Variants in EPHA3 observed in about 807,000 individuals in gnomAD.
EPHA3 encodes EPH receptor A3.
In EPHA3, 42 loss-of-function variants were observed where a neutral mutation model predicts 107.1. The observed-to-expected ratio is 0.39, with a 90% CI of 0.31 to 0.51. The LOEUF (loss-of-function observed/expected upper bound fraction) is 0.51. Ranked by LOEUF, EPHA3 falls within the 20% of genes least tolerant of loss-of-function variation. The pLI, the probability that EPHA3 is intolerant of heterozygous loss-of-function variation, is 0.78. For missense variants in EPHA3, 1,183 were observed against 1,211.2 expected (o/e 0.98, Z 0.35); for synonymous variants, 461 against 424.8 (o/e 1.09, Z -1.05).
chr3:89,163,181 A>G (rs1320902483), intron 2 of EPHA3, among the ~76,000 whole-genome samples: 1 of 152,172 alleles, frequency 6.6e-6, no homozygotes, highest in Non-Finnish European at 1.5e-5. Flanking sequence ...TTCTTCTTCT[A>G]TAATATAGGG....
intron 3 of EPHA3, among the ~76,000 whole-genome samples, chr3:89,266,061 G>A (rs1446031925): frequency 6.6e-6 from 1 of 152,082 alleles, no homozygotes; most frequent in East Asian, 1.9e-4. Context: ...GCTTAGCTCT[G>A]AGCTCTGTCT....
chr3:89,269,339 T>A (rs549885679), intron 3 of EPHA3, among the ~76,000 whole-genome samples: 116 of 152,262 alleles, frequency 7.6e-4, no homozygotes, highest in African/African-American at 2.7e-3. Flanking sequence ...CCAATAGCAT[T>A]GATATCATCT....
intron 2 of EPHA3, among the ~76,000 whole-genome samples, chr3:89,148,271 A>G (rs976946674): frequency 1.3e-5 from 2 of 152,006 alleles, no homozygotes; most frequent in African/African-American, 2.4e-5. Context: ...ATTACTGAGA[A>G]TAAGAGTCTA....
At chr3:89,213,819 A>G (rs1364419499) in intron 3 of EPHA3, among the ~76,000 whole-genome samples, 4 of 152,044 alleles carry the variant, frequency 2.6e-5, no homozygotes, top group South Asian at 2.1e-4. Flanking sequence ...AGACTACCCT[A>G]TAATTATCGA....
chr3:89,243,641 G>A (rs2107249636), intron 3 of EPHA3, among the ~76,000 whole-genome samples: 1 of 152,212 alleles, frequency 6.6e-6, no homozygotes, highest in East Asian at 1.9e-4. Context: ...GTTCATTGTA[G>A]CCCTTTGTCA....
intron 2 of EPHA3, among the ~76,000 whole-genome samples, chr3:89,127,677 G>T (rs1704121859): frequency 6.6e-6 from 1 of 151,866 alleles, no homozygotes; most frequent in African/African-American, 2.4e-5. Flanking sequence ...CTCAGTAACT[G>T]CTCTTCCAAG....
chr3:89,156,257 A>C (rs1191123662), intron 2 of EPHA3, among the ~76,000 whole-genome samples: 1 of 152,038 alleles, frequency 6.6e-6, no homozygotes, highest in Non-Finnish European at 1.5e-5. Flanking sequence ...TTTTGTGTGA[A>C]AGCACTTCCT....
chr3:89,337,884 T>G (rs1234050567), intron 3 of EPHA3, among the ~76,000 whole-genome samples: 6 of 152,280 alleles, frequency 3.9e-5, no homozygotes, highest in Admixed American at 1.3e-4. Flanking sequence ...TTATAAGAAA[T>G]CTTGAGATTG....
chr3:89,427,429 T>C (rs1419149461), intron 11 of EPHA3, among the ~76,000 whole-genome samples: 1 of 151,824 alleles, frequency 6.6e-6, no homozygotes, highest in Non-Finnish European at 1.5e-5. Context: ...ATAAGACACA[T>C]AGGAGGAAAA....
At chr3:89,471,336 A>T (rs907730524) in intron 15 of EPHA3, among the ~76,000 whole-genome samples, 3 of 152,070 alleles carry the variant, frequency 2.0e-5, no homozygotes, top group African/African-American at 7.2e-5. Flanking sequence ...GCCTGTATTT[A>T]TATAAAAAAA....
chr3:89,212,157 CTAATA>C (rs1418735023), intron 3 of EPHA3, among the ~76,000 whole-genome samples: 1 of 151,804 alleles, frequency 6.6e-6, no homozygotes, highest in Non-Finnish European at 1.5e-5. Flanking sequence ...AGGAATTTAT[CTAATA>C]TATTTTAAAA....
chr3:89,127,320 T>G (rs1379521737), intron 2 of EPHA3, 47 bp downstream of exon 2: 2 of 1,411,240 alleles, frequency 1.4e-6, no homozygotes, highest in Non-Finnish European at 2.0e-6. Context: ...CTATTACCTG[T>G]CTTAGGGAGC....
At chr3:89,351,289 T>C (rs1463440700) in intron 5 of EPHA3, among the ~76,000 whole-genome samples, 1 of 151,320 alleles carries the variant, frequency 6.6e-6, no homozygotes, top group Non-Finnish European at 1.5e-5. Context: ...CGTAGGACCC[T>C]CTGAGCCAGG....
chr3:89,472,531 CTTAA>C lies in EPHA3; in HGVS notation c.2760_2763del (p.Asn921ValfsTer22). ...TACCTTCCGCACAACAGGTGACTGG[CTTAA>C]TGGTGTCTGGACAGCACACTGCAAG... is the stretch of plus-strand genomic sequence containing the variant. On this transcript the variant is annotated frameshift_variant, in exon 16 of 17. Transcript: ENST00000336596. LOFTEE classifies it high-confidence loss of function. 1.2e-6 allele frequency: 2 copies of C among 1,614,062 alleles called. No individual in the cohort carries two copies. The highest frequency in any genetic ancestry group is 1.7e-6 in the Non-Finnish European group (2 of 1,180,002).
Position 89,295,318 on chromosome 3 carries a change from C to T in EPHA3, c.815-45598C>T, listed in dbSNP as rs966774984. On this transcript the variant is annotated intron_variant, in intron 3 of 16. Transcript: ENST00000336596. Reference sequence around the variant, plus strand: ...CTTAGTGAGTTATAATCTTTTTGTTCGTGGAGGATCTTGCCTCAATGTTGA... The same window carrying T: ...CTTAGTGAGTTATAATCTTTTTGTTTGTGGAGGATCTTGCCTCAATGTTGA... Among the ~76,000 whole-genome samples the T allele has an allele frequency of 9.9e-5, 15 of 151,966 alleles. 1 individual carries two copies. The highest frequency in any genetic ancestry group is 2.4e-4 in the African/African-American group (10 of 41,374).
At chr3:89,192,127 C>T (rs1028134430) in intron 2 of EPHA3, among the ~76,000 whole-genome samples, 6 of 152,162 alleles carry the variant, frequency 3.9e-5, no homozygotes, top group African/African-American at 1.4e-4. Context: ...TTATAAATAT[C>T]AATAACTTAG....
intron 3 of EPHA3, among the ~76,000 whole-genome samples, chr3:89,313,152 A>G (rs2107364720): frequency 6.6e-6 from 1 of 152,098 alleles, no homozygotes. Flanking sequence ...GAGTTATGCC[A>G]ATTATTTTAT....
chr3:89,453,030 A>AACTAT (rs1479916178), intron 15 of EPHA3, among the ~76,000 whole-genome samples: 1 of 152,118 alleles, frequency 6.6e-6, no homozygotes, highest in East Asian at 1.9e-4. Flanking sequence ...AACTACCCAT[A>AACTAT]ACTTATTCCA....
intron 13 of EPHA3, among the ~76,000 whole-genome samples, chr3:89,432,261 A>G (rs1430715031): frequency 6.6e-6 from 1 of 152,118 alleles, no homozygotes; most frequent in Non-Finnish European, 1.5e-5. Flanking sequence ...AAAACTAGGT[A>G]TTTTCATTAA....
Sources: gnomAD v4.1 joint callset for allele counts (sites outside exome capture counted in the v4.1 genomes callset) on GRCh38, gnomAD v4.1.1 for gene constraint, MANE v1.5 for transcripts, NCBI Gene and HGNC (gene_info 2026-07-23, HGNC 2026-07-21) for gene names.